NKIRAS1: variants seen among roughly 807,000 people sequenced by gnomAD.
The protein encoded by NKIRAS1 is NFKB inhibitor interacting Ras like 1.
Under a neutral mutation model 19.8 loss-of-function variants are expected in NKIRAS1, and 16 were observed. That is an observed-to-expected ratio of 0.81 (90% CI 0.55 to 1.23). NKIRAS1 has a LOEUF of 1.23. Ranked by LOEUF, NKIRAS1 falls within the 50% of genes most tolerant of loss-of-function variation. NKIRAS1 has a pLI of 0.00. For synonymous variants in NKIRAS1, 88 were observed against 79.0 expected, an observed-to-expected ratio of 1.11 and a Z score of -0.61; for missense variants, 184 against 220.0, an observed-to-expected ratio of 0.84 and a Z score of 1.04.
At chr3:23,902,421 A>T (rs1702609435) in intron 3 of NKIRAS1, among the ~76,000 whole-genome samples, 1 of 152,222 alleles carries the variant, frequency 6.6e-6, no homozygotes, top group South Asian at 2.1e-4. Context: ...AATTATTCAT[A>T]AATCTGATTA....
intron 1 of NKIRAS1, among the ~76,000 whole-genome samples, chr3:23,915,605 G>A (rs939475928): frequency 6.6e-6 from 1 of 152,140 alleles, no homozygotes; most frequent in Non-Finnish European, 1.5e-5. Flanking sequence ...TCATCCTTCT[G>A]TTCAAAATCT....
chr3:23,919,444 C>A (rs3951706), upstream of NKIRAS1: 2 of 1,604,638 alleles, frequency 1.2e-6, no homozygotes, highest in Non-Finnish European at 1.7e-6. Flanking sequence ...CTATTGGTGG[C>A]TCTCGCCGGG....
intron 3 of NKIRAS1, among the ~76,000 whole-genome samples, chr3:23,910,182 G>C (rs1300679242): frequency 7.9e-6 from 1 of 126,918 alleles, no homozygotes; most frequent in Non-Finnish European, 1.6e-5. Context: ...TTTTGAGACA[G>C]AGTCTCGCTC....
chr3:23,900,855 C>G lies in NKIRAS1; in HGVS notation c.289G>C (p.Val97Leu). Residue 97 changes from valine (V) to leucine (L), a missense_variant, in exon 4 of 5, where the codon GTG (valine) becomes CTG (leucine). Physicochemically the swap from Val to Leu is conservative, Grantham distance 32. Coordinates refer to ENST00000425478, the MANE Select transcript of NKIRAS1 (RefSeq NM_020345.4). ...SVNNLESFQR[V>L]ELLKKEIDKF... ...TCGATTTCTTTCTTCAGAAGCTCCA[C>G]TCTTTGAAAGGATTCAAGGTTATTC... The G allele has an allele frequency of 1.2e-6, 2 of 1,613,768 alleles. No homozygotes were observed. Among genetic ancestry groups the G allele is most frequent in the South Asian group, 1.1e-5 (1 of 91,068 alleles).
chr3:23,938,871 G>C (rs1160649096), intron 1 of NKIRAS1, among the ~76,000 whole-genome samples: 1 of 152,216 alleles, frequency 6.6e-6, no homozygotes, highest in Non-Finnish European at 1.5e-5. Flanking sequence ...AGGCTGCCAT[G>C]TTGTGAGGAA....
At chr3:23,932,703 A>AG (rs1209874984) in intron 1 of NKIRAS1, among the ~76,000 whole-genome samples, 4 of 151,800 alleles carry the variant, frequency 2.6e-5, no homozygotes, top group African/African-American at 7.3e-5. Context: ...AAAAAAAAAA[A>AG]AAAAAGTAAC....
intron 3 of NKIRAS1, among the ~76,000 whole-genome samples, chr3:23,904,826 G>C (rs767428736): frequency 1.3e-5 from 2 of 152,142 alleles, no homozygotes; most frequent in Non-Finnish European, 2.9e-5. Flanking sequence ...ATAATAGCCA[G>C]GATACATGTA....
At chr3:23,945,653 G>T (rs1705645111) in intron 1 of NKIRAS1, 1 of 1,123,834 alleles carries the variant, frequency 8.9e-7, no homozygotes, top group Non-Finnish European at 1.1e-6. Flanking sequence ...GAGCCCGCGG[G>T]GCACTTTGGG....
chr3:23,890,671 G>A lies in NKIRAS1; in HGVS notation c.*2424C>T. ...GAAGAGAGCTGCTTATGATTTTGAA[G>A]GGGTCAGGGAGGGTGGGAGTTGGTA... On this transcript the variant is annotated 3_prime_UTR_variant, in exon 5 of 5. Transcript: ENST00000425478. The A allele has an allele frequency of 6.9e-7, 1 of 1,454,058 alleles. No homozygotes were observed. The highest frequency in any genetic ancestry group is 9.5e-7 in the Non-Finnish European group (1 of 1,048,900). 90.1% of individuals were successfully genotyped at this position (1,454,058 alleles called of 1,614,324 possible).
chr3:23,895,710 C>T (rs186307092), intron 4 of NKIRAS1, among the ~76,000 whole-genome samples: 30 of 152,318 alleles, frequency 2.0e-4, no homozygotes, highest in African/African-American at 7.0e-4. Context: ...AAATGTATTA[C>T]ATTTTCTCCA....
At chr3:23,946,285 A>T in intron 1 of NKIRAS1, 1 of 985,408 alleles carries the variant, frequency 1.0e-6, no homozygotes, top group Non-Finnish European at 1.2e-6. Flanking sequence ...CGCGCAAACC[A>T]AACGAACCGG....
At chr3:23,897,609 C>T (rs1470200485) in intron 4 of NKIRAS1, among the ~76,000 whole-genome samples, 3 of 152,208 alleles carry the variant, frequency 2.0e-5, no homozygotes, top group South Asian at 2.1e-4. Flanking sequence ...GATTCCTGAA[C>T]ATGGCAAGCA....
At chr3:23,918,054 G>T (rs369302129), upstream of NKIRAS1, 1 of 1,594,328 alleles carries the variant, frequency 6.3e-7, no homozygotes, top group South Asian at 1.1e-5. Context: ...CTGCGTGGAT[G>T]CTTGGATAAA....
Position 23,890,748 on chromosome 3 carries a change from T to G in NKIRAS1, c.*2347A>C. The G allele has an allele frequency of 1.4e-6, 1 of 735,240 alleles. No individual in the cohort carries two copies. Among genetic ancestry groups the G allele is most frequent in the Non-Finnish European group, 2.0e-6 (1 of 497,462 alleles). The allele number at this position is 735,240 out of a possible 1,614,324, so 45.5% of individuals were successfully genotyped here. The stretch of plus-strand genomic sequence containing the variant: ...ATTATTCAGTCTTATTTCCTAAGAT[T>G]TTGTTGTAACTTAAGGTATCTTGCT... On this transcript the variant is annotated 3_prime_UTR_variant, in exon 5 of 5. Transcript: ENST00000425478.
At chr3:23,918,785 C>G (rs1704874292), upstream of NKIRAS1, 1 of 626,934 alleles carries the variant, frequency 1.6e-6, no homozygotes, top group Non-Finnish European at 2.7e-6. Flanking sequence ...ACTTGTGGAA[C>G]CTAAGCTTTA....
Position 23,910,857 on chromosome 3 carries a change from C to T in NKIRAS1, c.48G>A (p.Gly16=), listed in dbSNP as rs921325171. ...GGAGCTGCTCCAAAATTGCAGTTTT[C>T]CCCACAGATAACAATCCACAAACCA... is the stretch of plus-strand genomic sequence containing the variant. ...KVVVCGLLSV[G]KTAILEQLLY... is the part of the protein sequence containing the mutation. Residue 16 remains glycine, a synonymous_variant, in exon 3 of 5, where the codon GGG becomes GGA. Transcript: ENST00000425478. 5.0e-6 allele frequency: 8 copies of T among 1,613,990 alleles called. No homozygotes were observed. Among genetic ancestry groups the T allele is most frequent in the Non-Finnish European group, 6.8e-6 (8 of 1,179,978 alleles).
chr3:23,900,198 T>G (rs1411075740), intron 4 of NKIRAS1, among the ~76,000 whole-genome samples: 1 of 151,826 alleles, frequency 6.6e-6, no homozygotes, highest in African/African-American at 2.4e-5. Context: ...GAAACAGCAA[T>G]ACCAAAGAAC....
intron 1 of NKIRAS1, among the ~76,000 whole-genome samples, chr3:23,912,265 A>G (rs1459901338): frequency 1.3e-5 from 2 of 152,196 alleles, no homozygotes; most frequent in Non-Finnish European, 2.9e-5. Flanking sequence ...CAACCTACAG[A>G]ATGGGAGATT....
intron 1 of NKIRAS1, among the ~76,000 whole-genome samples, chr3:23,913,238 C>A (rs561285002): frequency 6.6e-6 from 1 of 152,092 alleles, no homozygotes; most frequent in African/African-American, 2.4e-5. Context: ...CCAAAGAAGT[C>A]TTCATCATGG....
Sources: allele counts gnomAD v4.1 joint callset (sites outside exome capture counted in the v4.1 genomes callset), GRCh38; gene constraint gnomAD v4.1.1; transcripts MANE v1.5; gene names NCBI Gene and HGNC (gene_info 2026-07-23, HGNC 2026-07-21).